The following NRXN1 variants were observed in gnomAD, a reference collection of about 807,000 sequenced individuals.
NRXN1 encodes the protein neurexin 1.
Under a neutral mutation model 150.9 loss-of-function variants are expected in NRXN1, and 39 were observed. The observed-to-expected ratio is 0.26, with a 90% CI of 0.20 to 0.34. The LOEUF (loss-of-function observed/expected upper bound fraction) is 0.34, where lower values mean the gene tolerates loss of function less well. Ranked by LOEUF, NRXN1 falls within the 10% of genes least tolerant of loss-of-function variation. The pLI, the probability that NRXN1 is intolerant of heterozygous loss-of-function variation, is 1.00. For missense variants in NRXN1, 1,815 were observed against 1,949.9 expected (o/e 0.93, Z 1.30); for synonymous variants, 924 against 757.0 (o/e 1.22, Z -3.62).
chr2:50,828,239 C>A (rs1236080344), intron 5 of NRXN1, among the ~76,000 whole-genome samples: 1 of 150,218 alleles, frequency 6.7e-6, no homozygotes, highest in African/African-American at 2.4e-5. Context: ...GCACCCCTCA[C>A]CTCCCGGACG....
intron 17 of NRXN1, among the ~76,000 whole-genome samples, chr2:50,356,788 G>C (rs1368017689): frequency 6.6e-6 from 1 of 152,010 alleles, no homozygotes; most frequent in East Asian, 1.9e-4. Context: ...TATTTAACAC[G>C]ACAGGTATTA....
chr2:50,009,327 A>G (rs1485494606), intron 21 of NRXN1, among the ~76,000 whole-genome samples: 1 of 152,140 alleles, frequency 6.6e-6, no homozygotes, highest in East Asian at 1.9e-4. Context: ...AATGCACAAG[A>G]TTCAAATAAG....
At chr2:50,802,094 C>G (rs1030119984) in intron 5 of NRXN1, among the ~76,000 whole-genome samples, 4 of 152,128 alleles carry the variant, frequency 2.6e-5, no homozygotes, top group African/African-American at 9.7e-5. Context: ...TAAAGAATTA[C>G]AAGGCCTTCT....
At chr2:50,985,059 G>C (rs376170042) in intron 2 of NRXN1, among the ~76,000 whole-genome samples, 1 of 151,978 alleles carries the variant, frequency 6.6e-6, no homozygotes, top group African/African-American at 2.4e-5. Context: ...TTAAGATCCA[G>C]AAGAGTGCTA....
intron 17 of NRXN1, among the ~76,000 whole-genome samples, chr2:50,348,945 A>G (rs2078232202): frequency 6.6e-6 from 1 of 152,186 alleles, no homozygotes. Flanking sequence ...ATCAACAAAT[A>G]TAAAGTCCAG....
At chr2:50,882,475 G>A (rs1679594548) in intron 5 of NRXN1, among the ~76,000 whole-genome samples, 1 of 151,822 alleles carries the variant, frequency 6.6e-6, no homozygotes, top group African/African-American at 2.4e-5. Flanking sequence ...AGGTGACATA[G>A]CTGGTGTACG....
intron 21 of NRXN1, among the ~76,000 whole-genome samples, chr2:49,953,070 C>A (rs1674267131): frequency 6.6e-6 from 1 of 152,110 alleles, no homozygotes; most frequent in African/African-American, 2.4e-5. Flanking sequence ...AAAAACATTT[C>A]TCTGCTACTG....
chr2:50,417,650 G>A (rs1053933341), intron 17 of NRXN1, among the ~76,000 whole-genome samples: 10 of 151,842 alleles, frequency 6.6e-5, no homozygotes, highest in Admixed American at 2.6e-4. Context: ...AAATAAGTGT[G>A]AAAACCCTGT....
chr2:50,044,961 G>A (rs1013003869), intron 21 of NRXN1, among the ~76,000 whole-genome samples: 3 of 152,092 alleles, frequency 2.0e-5, no homozygotes, highest in African/African-American at 7.2e-5. Context: ...ATGCTTACTG[G>A]ATAAACCATT....
rs568358700 is a variant in NRXN1, at chr2:50,173,755, A to G, written c.3546+63034T>C. Reference sequence around the variant, plus strand: ...ATTTTCATATACATATCCTTAGGCCATTTTACGAAGGGCGTGGCTTTAAAA... The same window carrying G: ...ATTTTCATATACATATCCTTAGGCCGTTTTACGAAGGGCGTGGCTTTAAAA... On this transcript the variant is annotated intron_variant, in intron 18 of 22. Transcript: ENST00000401669. Among the ~76,000 whole-genome samples the G allele has an allele frequency of 6.6e-5, 10 of 152,256 alleles. No individual in the cohort carries two copies. The East Asian group carries it at 1.9e-3, about 29-fold the overall frequency.
intron 17 of NRXN1, among the ~76,000 whole-genome samples, chr2:50,359,037 A>G (rs149079279): frequency 6.6e-6 from 1 of 152,220 alleles, no homozygotes; most frequent in Non-Finnish European, 1.5e-5. Flanking sequence ...AGGAAAACTA[A>G]CAAACAGAAA....
At chr2:50,064,005 A>T (rs1573691484) in intron 19 of NRXN1, among the ~76,000 whole-genome samples, 1 of 152,164 alleles carries the variant, frequency 6.6e-6, no homozygotes, top group Non-Finnish European at 1.5e-5. Flanking sequence ...GTGTCCACTT[A>T]CATATATGTA....
chr2:50,683,646 A>AAAAAAAAAAATATATATATATATAT lies in NRXN1; in HGVS notation c.833-60032_833-60031insATATATATATATATATTTTTTTTTT. On this transcript the variant is annotated intron_variant, in intron 5 of 22. Coordinates refer to ENST00000401669, the MANE Select transcript of NRXN1 (RefSeq NM_001330078.2). The stretch of plus-strand genomic sequence containing the variant: ...GACTCCGTCTCAAAAAAAAAAAAAA[A>AAAAAAAAAAATATATATATATATAT]ATATATATATATATATATATGTTAT... 9.4e-4 allele frequency among the ~76,000 whole-genome samples: 14 copies of AAAAAAAAAAATATATATATATATAT among 14,892 alleles called. 2 individuals carry two copies. Among genetic ancestry groups the AAAAAAAAAAATATATATATATATAT allele is most frequent in the Non-Finnish European group, 1.1e-3 (10 of 9,184 alleles). The allele number at this position is 14,892 out of a possible 152,430, so 9.8% of individuals were successfully genotyped here. A position where few individuals can be genotyped will look rare whatever the true frequency, so the allele number is the denominator to read the frequency against.
chr2:50,270,096 T>C (rs1462605329), intron 17 of NRXN1, among the ~76,000 whole-genome samples: 1 of 152,194 alleles, frequency 6.6e-6, no homozygotes, highest in Non-Finnish European at 1.5e-5. Flanking sequence ...GAAGGAAATT[T>C]GTATTTCAAG....
chr2:50,119,495 G>A lies in NRXN1; in HGVS notation c.3547-28001C>T, dbSNP rs1188427641. The stretch of plus-strand genomic sequence containing the variant: ...TTCTTTGTCATGTCTAAAGCCCCGC[G>A]GCAGGGATTAGGGAGATGCAAAACC... On this transcript the variant is annotated intron_variant, in intron 18 of 22. Coordinates refer to ENST00000401669, the MANE Select transcript of NRXN1 (RefSeq NM_001330078.2). Among the ~76,000 whole-genome samples, 6 of 151,774 alleles carry A rather than the reference G, an allele frequency of 4.0e-5. No individual in the cohort carries two copies. In the East Asian group the frequency reaches 9.7e-4, roughly 25 times the overall value.
rs1398546651 is a variant in NRXN1 at position 50,243,607 on chromosome 2, T to C, written c.3365-6637A>G. ...ACACTATTCCACCAAACACCAATCA[T>C]AAATTTGGTTCAAGTTAATCCAAAA... On this transcript the variant is annotated intron_variant, in intron 17 of 22. Transcript: ENST00000401669. 2.6e-5 allele frequency among the ~76,000 whole-genome samples: 4 copies of C among 151,952 alleles called. No individual in the cohort carries two copies. In the South Asian group the frequency reaches 8.3e-4, roughly 32 times the overall value.
At chr2:50,779,755 C>T (rs921473276) in intron 5 of NRXN1, among the ~76,000 whole-genome samples, 2 of 151,274 alleles carry the variant, frequency 1.3e-5, no homozygotes, top group Admixed American at 6.6e-5. Context: ...GTGACAGAGC[C>T]GGACTCCGTC....
chr2:50,316,160 A>G (rs958649829), intron 17 of NRXN1, among the ~76,000 whole-genome samples: 4 of 152,050 alleles, frequency 2.6e-5, no homozygotes, highest in South Asian at 2.1e-4. Context: ...TCTGGATGTC[A>G]TCTGTTTTCC....
Position 50,360,294 on chromosome 2 carries a change from C to A in NRXN1, c.3364+105148G>T, listed in dbSNP as rs184491664. Among the ~76,000 whole-genome samples, 16 of 152,236 alleles carry A rather than the reference C, an allele frequency of 1.1e-4. No individual in the cohort carries two copies. In the East Asian group the frequency reaches 2.9e-3, roughly 28 times the overall value. The stretch of plus-strand genomic sequence containing the variant: ...CTTAAATGTAAATGGGCCAAATGCC[C>A]AAATCGAAAGGCAAGACTGGCAAAT... On this transcript the variant is annotated intron_variant, in intron 17 of 22. Coordinates refer to ENST00000401669, the MANE Select transcript of NRXN1 (RefSeq NM_001330078.2).
Sources: allele counts gnomAD v4.1 joint callset (sites outside exome capture counted in the v4.1 genomes callset), GRCh38; gene constraint gnomAD v4.1.1; transcripts MANE v1.5; gene names NCBI Gene and HGNC (gene_info 2026-07-23, HGNC 2026-07-21).